Variants in BMP7 observed in about 807,000 individuals in gnomAD.
BMP7 encodes the protein osteogenic protein 1.
Under a neutral mutation model 41.2 loss-of-function variants are expected in BMP7, and 12 were observed. That is an observed-to-expected ratio of 0.29 (90% CI 0.19 to 0.47). The LOEUF (loss-of-function observed/expected upper bound fraction) is 0.47, where lower values mean the gene tolerates loss of function less well. BMP7 is among the 20% of genes least tolerant of loss of function. The pLI, the probability that BMP7 is intolerant of heterozygous loss-of-function variation, is 0.99. For missense variants in BMP7, 467 were observed against 606.0 expected (o/e 0.77, Z 2.41); for synonymous variants, 248 against 250.0 (o/e 0.99, Z 0.07).
chr20:57,203,946 A>C (rs1247381295), intron 2 of BMP7, among the ~76,000 whole-genome samples: 1 of 152,200 alleles, frequency 6.6e-6, no homozygotes, highest in African/African-American at 2.4e-5. Flanking sequence ...GACCAGTCTC[A>C]TGTCACTTAG....
chr20:57,212,228 G>T (rs140870434), intron 2 of BMP7, among the ~76,000 whole-genome samples: 1 of 152,250 alleles, frequency 6.6e-6, no homozygotes, highest in African/African-American at 2.4e-5. Context: ...TCTCCCGAAG[G>T]GGGTCAGAGG....
At chr20:57,222,527 C>T (rs929345072) in intron 2 of BMP7, among the ~76,000 whole-genome samples, 1 of 152,084 alleles carries the variant, frequency 6.6e-6, no homozygotes, top group Non-Finnish European at 1.5e-5. Context: ...CCTGCCACTC[C>T]CTCTCAGGCA....
rs541537316 is a variant in BMP7, at chr20:57,241,655, T to C, written c.419-13234A>G. Among the ~76,000 whole-genome samples, 57 of 152,294 alleles carry C rather than the reference T, an allele frequency of 3.7e-4. 1 individual carries two copies. In the Middle Eastern group the frequency reaches 0.01, roughly 27 times the overall value. Reference sequence around the variant, plus strand: ...CCTTGTTAGGTGCTGGGGGGCTGCGTCCAGAGACATGAGACCTGGAGGCGA... The same window carrying C: ...CCTTGTTAGGTGCTGGGGGGCTGCGCCCAGAGACATGAGACCTGGAGGCGA... On this transcript the variant is annotated intron_variant, in intron 1 of 6. Transcript: ENST00000395863.
chr20:57,255,182 G>A (rs896813369), intron 1 of BMP7, among the ~76,000 whole-genome samples: 9 of 152,148 alleles, frequency 5.9e-5, no homozygotes, highest in Non-Finnish European at 1.3e-4. Flanking sequence ...ATACCCCACA[G>A]GTTCAGGAGG....
Position 57,174,895 on chromosome 20 carries a change from G to A in BMP7, c.1035+36C>T. ...TGCCTCGTGGGAGCCCACGCCAGAG[G>A]GCCCACACCCAAGACAGACCCAGCC... is the stretch of plus-strand genomic sequence containing the variant. On this transcript the variant is annotated intron_variant, in intron 5 of 6. Coordinates refer to ENST00000395863, the MANE Select transcript of BMP7 (RefSeq NM_001719.3). The surrounding 1 kb of genome is among the most constrained non-coding windows in gnomAD (Gnocchi z 4.3). 2 of 1,597,556 alleles carry A rather than the reference G, an allele frequency of 1.3e-6. No homozygotes were observed. Among genetic ancestry groups the A allele is most frequent in the South Asian group, 1.1e-5 (1 of 89,608 alleles).
intron 4 of BMP7, 48 bp from the exon 5 acceptor site, chr20:57,175,055 AAC>A (rs1164721945): frequency 6.4e-6 from 10 of 1,560,588 alleles, no homozygotes; most frequent in Non-Finnish European, 7.8e-6. Context: ...AGGAGAAAGA[AAC>A]ACACACACAT....
At chr20:57,248,803 G>A (rs1600643108) in intron 1 of BMP7, among the ~76,000 whole-genome samples, 1 of 130,632 alleles carries the variant, frequency 7.7e-6, no homozygotes, top group South Asian at 2.5e-4. Flanking sequence ...GTTTTGTTTT[G>A]TTTTGTTTTT....
chr20:57,227,585 G>T (rs1600634249), intron 2 of BMP7, among the ~76,000 whole-genome samples: 2 of 152,258 alleles, frequency 1.3e-5, no homozygotes, highest in African/African-American at 4.8e-5. Context: ...AGCCTGCGGG[G>T]TCCAGCAACC....
intron 1 of BMP7, among the ~76,000 whole-genome samples, chr20:57,255,904 G>T (rs569655454): frequency 6.6e-6 from 1 of 151,738 alleles, no homozygotes; most frequent in African/African-American, 2.4e-5. Flanking sequence ...ATTTCATGGC[G>T]AAGTGATAAC....
At chr20:57,203,298 T>G (rs1307449471) in intron 2 of BMP7, among the ~76,000 whole-genome samples, 1 of 152,112 alleles carries the variant, frequency 6.6e-6, no homozygotes, top group African/African-American at 2.4e-5. Context: ...TCCTTACTTT[T>G]TACAGTAGCA....
intron 4 of BMP7, among the ~76,000 whole-genome samples, chr20:57,181,268 G>A (rs1020874560): frequency 1.3e-5 from 2 of 152,112 alleles, no homozygotes; most frequent in African/African-American, 2.4e-5. Context: ...ACTTTGGGAG[G>A]CCAAAGTGGA....
chr20:57,173,487 T>G (rs1306128465), intron 5 of BMP7, 177 bp from the exon 6 acceptor site: 1 of 687,928 alleles, frequency 1.5e-6, no homozygotes, highest in Non-Finnish European at 2.6e-6. Flanking sequence ...TGGCCTCTCA[T>G]GGTCCCAAAA....
At chr20:57,262,749 A>C (rs929440511) in intron 1 of BMP7, among the ~76,000 whole-genome samples, 1 of 152,010 alleles carries the variant, frequency 6.6e-6, no homozygotes, top group African/African-American at 2.4e-5. Context: ...CTCCCACCAT[A>C]ATAAGAAGTA....
rs149677943 is a variant in BMP7, at chr20:57,192,504, C to G, written c.761-8585G>C. On this transcript the variant is annotated intron_variant, in intron 3 of 6. Transcript: ENST00000395863. ...TATAAAATATCAGATTTAGTCAGTG[C>G]GCGTAACTATTTACTTTGATTATTT... Among the ~76,000 whole-genome samples the G allele has an allele frequency of 2.6e-3, 387 of 151,212 alleles. 2 individuals carry two copies. The highest frequency in any genetic ancestry group is 8.9e-3 in the African/African-American group (368 of 41,214).
At chr20:57,246,941 A>G (rs1182624485) in intron 1 of BMP7, among the ~76,000 whole-genome samples, 2 of 152,080 alleles carry the variant, frequency 1.3e-5, no homozygotes, top group Non-Finnish European at 2.9e-5. Flanking sequence ...GTGAGCCAAG[A>G]TTGTACCACT....
intron 1 of BMP7, among the ~76,000 whole-genome samples, chr20:57,247,649 G>C (rs2066095688): frequency 1.3e-5 from 2 of 152,210 alleles, no homozygotes; most frequent in Admixed American, 1.3e-4. Context: ...CCCAGTGTAA[G>C]CATGAGGTTC....
chr20:57,215,363 G>C lies in BMP7; in HGVS notation c.612-12740C>G, dbSNP rs953693426. 8.5e-5 allele frequency: 13 copies of C among 152,468 alleles called. No homozygotes were observed. Among genetic ancestry groups the C allele is most frequent in the African/African-American group, 2.9e-4 (12 of 41,594 alleles). The allele number at this position is 152,468 out of a possible 1,614,324, so 9.4% of individuals were successfully genotyped here. ...ATCAGGCAAAAATCAAGAGGACTCAGGTGGGCAGAAAGCAACAGCTGGGAA... is the reference window on the plus strand; with the variant it reads ...ATCAGGCAAAAATCAAGAGGACTCACGTGGGCAGAAAGCAACAGCTGGGAA... On this transcript the variant is annotated intron_variant, in intron 2 of 6. Coordinates refer to ENST00000395863, the MANE Select transcript of BMP7 (RefSeq NM_001719.3). This position sits in a 1 kb window ranked among gnomAD's most constrained non-coding sequence, Gnocchi z 4.2.
At chr20:57,211,471 A>AC (rs1369807093) in intron 2 of BMP7, among the ~76,000 whole-genome samples, 1 of 146,196 alleles carries the variant, frequency 6.8e-6, no homozygotes, top group African/African-American at 2.8e-5. Context: ...GCAGAATAAC[A>AC]CCCCCTCAGA....
chr20:57,252,135 G>C (rs1039837506), intron 1 of BMP7, among the ~76,000 whole-genome samples: 4 of 144,712 alleles, frequency 2.8e-5, no homozygotes, highest in Admixed American at 6.7e-5. Flanking sequence ...CAGAGTGAAT[G>C]CGTAAGTGGA....
Sources: allele counts gnomAD v4.1 joint callset (sites outside exome capture counted in the v4.1 genomes callset), GRCh38; gene constraint gnomAD v4.1.1; non-coding constraint Gnocchi (gnomAD v3.1); transcripts MANE v1.5; gene names NCBI Gene and HGNC (gene_info 2026-07-23, HGNC 2026-07-21).